Variants in LAMP2 observed in about 807,000 individuals in gnomAD.
LAMP2 encodes the protein lysosome associated membrane protein 2, also known as lysosome-associated membrane glycoprotein 2.
LAMP2 carries 4 observed loss-of-function variants against 25.6 expected under a neutral mutation model. The ratio of observed to expected loss-of-function variants is 0.16; its 90% CI spans 0.08 to 0.36. The LOEUF is 0.36. Ranked by LOEUF, LAMP2 falls within the 10% of genes least tolerant of loss-of-function variation. The probability of loss-of-function intolerance (pLI) is 1.00; values close to 1 mark genes in which losing one functional copy is unlikely to be tolerated. For synonymous variants in LAMP2, 108 were observed against 112.7 expected (o/e 0.96, Z 0.27); for missense variants, 272 against 301.4 (o/e 0.90, Z 0.72).
At position 120,447,484 on chromosome X, in the gene LAMP2, G is replaced by A. The variant is rs760014367; in HGVS notation, c.741+357C>T. Reference sequence around the variant, plus strand: ...AGCACTTTGGGAGGCCGAGACGGGCGGAGCACAAGGTCAGGAGATCGAGAC... The same window carrying A: ...AGCACTTTGGGAGGCCGAGACGGGCAGAGCACAAGGTCAGGAGATCGAGAC... On this transcript the variant is annotated intron_variant, in intron 5 of 8. Transcript: ENST00000200639. Among the ~76,000 whole-genome samples, 135 of 110,679 alleles carry A rather than the reference G, an allele frequency of 1.2e-3. 1 individual carries two copies. The highest frequency in any genetic ancestry group is 4.7e-3 in the Middle Eastern group (1 of 215).
rs2058511930 is a variant in LAMP2, at chrX:120,429,142, A to G, written c.*2181T>C. On this transcript the variant is annotated 3_prime_UTR_variant, in exon 9 of 9. Coordinates refer to ENST00000200639, the MANE Select transcript of LAMP2 (RefSeq NM_002294.3). ...TGTGTATATATATGTGTGTGTGTAT[A>G]TATATGTGTGTGTGTGTACATATAT... The G allele has an allele frequency of 1.5e-6, 1 of 688,626 alleles. No individual in the cohort carries two copies. The highest frequency in any genetic ancestry group is 1.7e-6 in the Non-Finnish European group (1 of 586,488). The allele number at this position is 688,626 out of a possible 1,213,427, so 56.8% of individuals were successfully genotyped here.
chrX:120,454,173 G>A (rs142982910), intron 3 of LAMP2, among the ~76,000 whole-genome samples: 1 of 107,048 alleles, frequency 9.3e-6, no homozygotes, highest in African/African-American at 3.5e-5. Context: ...GTATATCAAC[G>A]TTGTCTACAC....
chrX:120,456,075 C>T (rs745735519), intron 2 of LAMP2, among the ~76,000 whole-genome samples: 1 of 104,912 alleles, frequency 9.5e-6, no homozygotes, highest in South Asian at 4.7e-4. Context: ...CTCTGTTGCC[C>T]AGGCTGGAGT....
chrX:120,455,019 A>ATG (rs1368208660), intron 3 of LAMP2, among the ~76,000 whole-genome samples: 1 of 102,315 alleles, frequency 9.8e-6, no homozygotes, highest in East Asian at 2.9e-4. Context: ...ACTAGGATAT[A>ATG]TGTGTATATA....
At chrX:120,435,700 T>C (rs1056686598) in intron 8 of LAMP2, among the ~76,000 whole-genome samples, 43 of 112,077 alleles carry the variant, frequency 3.8e-4, no homozygotes, top group African/African-American at 1.3e-3. Flanking sequence ...ATTGAGACAC[T>C]AGAAGTTAAA....
Position 120,428,721 on chromosome X carries a change from A to G in LAMP2, c.*2602T>C. The stretch of plus-strand genomic sequence containing the variant: ...CAAGAAACATGCATTTTGAAAGTGT[A>G]CATAGCTTAGTTTTTTATAGCATTA... On this transcript the variant is annotated 3_prime_UTR_variant, in exon 9 of 9. Coordinates refer to ENST00000200639, the MANE Select transcript of LAMP2 (RefSeq NM_002294.3). 1 of 1,080,275 alleles carries G rather than the reference A, an allele frequency of 9.3e-7. No individual in the cohort carries two copies. Among genetic ancestry groups the G allele is most frequent in the Non-Finnish European group, 1.2e-6 (1 of 834,166 alleles). The allele number at this position is 1,080,275 out of a possible 1,213,427, so 89.0% of individuals were successfully genotyped here. A position where few individuals can be genotyped will look rare whatever the true frequency, so the allele number is the denominator to read the frequency against.
intron 1 of LAMP2, among the ~76,000 whole-genome samples, chrX:120,463,051 T>G (rs1157563157): frequency 8.9e-6 from 1 of 112,254 alleles, no homozygotes; most frequent in East Asian, 2.8e-4. Flanking sequence ...CTCAAACTCA[T>G]GAATTTAGAA....
chrX:120,428,456 AAAAC>A lies in LAMP2; in HGVS notation c.*2863_*2866del, dbSNP rs773163247. On this transcript the variant is annotated 3_prime_UTR_variant, in exon 9 of 9. Coordinates refer to ENST00000200639, the MANE Select transcript of LAMP2 (RefSeq NM_002294.3). ...ATGGAAACGTAACTTCTAATTGAAA[AAAAC>A]AAACAAACACTAGATTTAACTGATT... 1.1e-4 allele frequency: 126 copies of A among 1,147,167 alleles called. No individual in the cohort carries two copies. The highest frequency in any genetic ancestry group is 4.8e-4 in the Middle Eastern group (2 of 4,143). The allele number at this position is 1,147,167 out of a possible 1,213,427, so 94.5% of individuals were successfully genotyped here. A position where few individuals can be genotyped will look rare whatever the true frequency, so the allele number is the denominator to read the frequency against.
intron 8 of LAMP2, chrX:120,437,934 C>A (rs1411906593): frequency 2.8e-6 from 1 of 351,394 alleles, no homozygotes; most frequent in Non-Finnish European, 3.7e-6. Context: ...TGGCTCACCG[C>A]AACCTCTGCC....
rs182663399 is a variant in LAMP2 at position 120,445,127 on chromosome X, A to G, written c.864+1178T>C. ...TGAAAGGGAATAAACCCAAAATACT[A>G]CTTTCCTTGTTCTTATTGACCATAA... On this transcript the variant is annotated intron_variant, in intron 6 of 8. Coordinates refer to ENST00000200639, the MANE Select transcript of LAMP2 (RefSeq NM_002294.3). Among the ~76,000 whole-genome samples the G allele has an allele frequency of 5.4e-5, 6 of 112,105 alleles. No homozygotes were observed. In the Admixed American group the frequency reaches 5.7e-4, roughly 11 times the overall value.
chrX:120,437,236 C>T, intron 8 of LAMP2: 1 of 735,108 alleles, frequency 1.4e-6, no homozygotes, highest in African/African-American at 2.3e-5. Flanking sequence ...TTTATAATTC[C>T]AATATAACTC....
chrX:120,466,645 T>C (rs1329116663), intron 1 of LAMP2, among the ~76,000 whole-genome samples: 2 of 111,427 alleles, frequency 1.8e-5, no homozygotes, highest in African/African-American at 6.5e-5. Flanking sequence ...TACTTTCTTA[T>C]CCACTGAGGA....
At chrX:120,436,445 G>A (rs2058545055) in intron 8 of LAMP2, 1 of 699,669 alleles carries the variant, frequency 1.4e-6, no homozygotes, top group African/African-American at 2.4e-5. Flanking sequence ...TTGCCATTAT[G>A]TAGTATACAA....
At chrX:120,460,132 G>C (rs752487423) in intron 1 of LAMP2, among the ~76,000 whole-genome samples, 1 of 110,407 alleles carries the variant, frequency 9.1e-6, no homozygotes, top group East Asian at 2.8e-4. Flanking sequence ...AATTTGCTGG[G>C]CTTGGTGGTG....
chrX:120,448,947 AG>A, intron 4 of LAMP2, 22 bp downstream of exon 4: 1 of 1,191,914 alleles, frequency 8.4e-7, no homozygotes, highest in Non-Finnish European at 1.1e-6. Context: ...GGATCCAAGT[AG>A]AGAAATATAT....
In LAMP2 at chrX:120,430,312, C is replaced by T; in HGVS notation, c.*1011G>A. 10 of 754,519 alleles carry T rather than the reference C, an allele frequency of 1.3e-5. No individual in the cohort carries two copies. The highest frequency in any genetic ancestry group is 1.6e-5 in the Non-Finnish European group (10 of 639,208). The allele number at this position is 754,519 out of a possible 1,213,427, so 62.2% of individuals were successfully genotyped here. A position where few individuals can be genotyped will look rare whatever the true frequency, so the allele number is the denominator to read the frequency against. On this transcript the variant is annotated 3_prime_UTR_variant, in exon 9 of 9. Transcript: ENST00000200639. Reference sequence around the variant, plus strand: ...TCTTTACACCCCCATCTATGCACTGCCCCACAGGGGCCATCTTGAAGAAAC... The same window carrying T: ...TCTTTACACCCCCATCTATGCACTGTCCCACAGGGGCCATCTTGAAGAAAC...
chrX:120,441,919 T>C (rs1185200782), intron 7 of LAMP2, 25 bp from the exon 8 acceptor site: 25 of 1,176,994 alleles, frequency 2.1e-5, no homozygotes, highest in Non-Finnish European at 2.5e-5. Flanking sequence ...AACAGGTTAG[T>C]AACTTCTTAT....
In LAMP2 at chrX:120,433,963, G is replaced by C. The variant is rs1251402266; in HGVS notation, c.1094-2501C>G. 2.7e-5 allele frequency among the ~76,000 whole-genome samples: 3 copies of C among 111,432 alleles called. No homozygotes were observed. The Admixed American group carries it at 2.9e-4, about 11-fold the overall frequency. ...TTATAAACTTTTCTGACATTGACTTGGGCTGCCAGTTCAATTATTTGTTTT... is the reference window on the plus strand; with the variant it reads ...TTATAAACTTTTCTGACATTGACTTCGGCTGCCAGTTCAATTATTTGTTTT... On this transcript the variant is annotated intron_variant, in intron 8 of 8. Transcript: ENST00000200639.
At chrX:120,467,251 A>T (rs1267007073) in intron 1 of LAMP2, among the ~76,000 whole-genome samples, 1 of 111,533 alleles carries the variant, frequency 9.0e-6, no homozygotes, top group African/African-American at 3.3e-5. Context: ...TTCCAATACT[A>T]TGGTTTTCGA....
Sources: gnomAD v4.1 joint callset for allele counts (sites outside exome capture counted in the v4.1 genomes callset) on GRCh38, gnomAD v4.1.1 for gene constraint, MANE v1.5 for transcripts, NCBI Gene and HGNC (gene_info 2026-07-23, HGNC 2026-07-21) for gene names.